The following GPALPP1 variants were observed in gnomAD, a reference collection of about 807,000 sequenced individuals.
The protein encoded by GPALPP1 is GPALPP motifs containing 1.
GPALPP1 carries 30 observed loss-of-function variants against 38.9 expected under a neutral mutation model. That is an observed-to-expected ratio of 0.77 (90% CI 0.58 to 1.05). The LOEUF (loss-of-function observed/expected upper bound fraction) is 1.05, where lower values mean the gene tolerates loss of function less well. Among genes scored for constraint, GPALPP1 ranks in the 50% least tolerant of loss-of-function variants. The probability of loss-of-function intolerance (pLI) is 0.00; values close to 1 mark genes in which losing one functional copy is unlikely to be tolerated. For synonymous variants in GPALPP1, 120 were observed against 139.2 expected, an observed-to-expected ratio of 0.86 and a Z score of 0.97; for missense variants, 384 against 408.8, an observed-to-expected ratio of 0.94 and a Z score of 0.52.
At chr13:45,019,085 A>T (rs1290978455) in intron 6 of GPALPP1, among the ~76,000 whole-genome samples, 1 of 138,000 alleles carries the variant, frequency 7.2e-6, no homozygotes, top group Non-Finnish European at 1.5e-5. Context: ...ACATATAAAT[A>T]TATGTATATA....
chr13:44,996,346 C>T (rs1218509728), intron 1 of GPALPP1, among the ~76,000 whole-genome samples: 2 of 150,220 alleles, frequency 1.3e-5, no homozygotes, highest in African/African-American at 4.9e-5. Flanking sequence ...TAAAACAAGA[C>T]CTTGTCGCAA....
intron 1 of GPALPP1, among the ~76,000 whole-genome samples, chr13:44,990,993 G>A (rs970860659): frequency 6.6e-6 from 1 of 152,154 alleles, no homozygotes; most frequent in African/African-American, 2.4e-5. Context: ...TGGAGGCTGA[G>A]GCAGGAGAAT....
chr13:44,997,645 TTTTTA>T (rs1215346658), intron 1 of GPALPP1, among the ~76,000 whole-genome samples: 9 of 152,310 alleles, frequency 5.9e-5, no homozygotes, highest in African/African-American at 2.2e-4. Context: ...TTTCATTTGC[TTTTTA>T]TTTTTGTTTT....
intron 1 of GPALPP1, among the ~76,000 whole-genome samples, chr13:45,003,451 A>T (rs1220924441): frequency 6.6e-6 from 1 of 152,336 alleles, no homozygotes; most frequent in South Asian, 2.1e-4. Flanking sequence ...CTCCAGGCCA[A>T]CTGGGTTAGA....
downstream of GPALPP1, chr13:45,031,518 GT>G (rs1876196125): frequency 6.6e-6 from 1 of 152,072 alleles, no homozygotes; most frequent in South Asian, 2.1e-4. Context: ...TATATTTACT[GT>G]TTCATCCCTC....
At chr13:45,037,126 T>C (rs1315071009) in exon 8 of GPALPP1, 2 of 152,236 alleles carry the variant, frequency 1.3e-5, no homozygotes, top group African/African-American at 4.8e-5. Flanking sequence ...CTTACCGCTG[T>C]CCTGCCCTTT....
intron 1 of GPALPP1, among the ~76,000 whole-genome samples, chr13:44,997,695 C>A (rs1873392053): frequency 6.6e-6 from 1 of 152,160 alleles, no homozygotes; most frequent in Non-Finnish European, 1.5e-5. Flanking sequence ...CTAAGTACTT[C>A]TATCCCTAAG....
intron 1 of GPALPP1, among the ~76,000 whole-genome samples, chr13:44,995,517 A>G (rs1873206656): frequency 6.6e-6 from 1 of 152,148 alleles, no homozygotes; most frequent in Non-Finnish European, 1.5e-5. Flanking sequence ...AAATCTTTCA[A>G]TGTTCTAGCC....
At chr13:45,006,911 A>G (rs1382557495) in intron 3 of GPALPP1, among the ~76,000 whole-genome samples, 1 of 151,962 alleles carries the variant, frequency 6.6e-6, no homozygotes, top group Non-Finnish European at 1.5e-5. Context: ...CAGAATTGTA[A>G]AATTTTTAAA....
At chr13:45,027,661 C>A in intron 7 of GPALPP1, 124 bp from the exon 8 acceptor site, 1 of 513,494 alleles carries the variant, frequency 1.9e-6, no homozygotes, top group Non-Finnish European at 3.5e-6. Flanking sequence ...AAAAAAACTA[C>A]TGGGGTTTGT....
intron 3 of GPALPP1, among the ~76,000 whole-genome samples, chr13:45,007,921 G>C (rs901113497): frequency 6.6e-6 from 1 of 152,022 alleles, no homozygotes; most frequent in Non-Finnish European, 1.5e-5. Context: ...CATAAAGTAA[G>C]GCTGTCTCCT....
intron 7 of GPALPP1, 96 bp downstream of exon 7, chr13:45,020,524 C>T (rs750650055): frequency 5.3e-5 from 36 of 672,930 alleles, no homozygotes; most frequent in Non-Finnish European, 7.8e-5. Context: ...TCACTTGAGA[C>T]GAAGAGTTCA....
chr13:45,011,438 G>T (rs1874469501), intron 4 of GPALPP1, among the ~76,000 whole-genome samples: 1 of 152,274 alleles, frequency 6.6e-6, no homozygotes, highest in Admixed American at 6.5e-5. Context: ...TCACAGTTTA[G>T]CATGGCTGGG....
chr13:45,015,548 T>C lies in GPALPP1; in HGVS notation c.657T>C (p.Asp219=). The C allele has an allele frequency of 6.3e-7, 1 of 1,599,092 alleles. No homozygotes were observed. The highest frequency in any genetic ancestry group is 8.5e-7 in the Non-Finnish European group (1 of 1,173,074). The change falls in exon 6 of 8, where the codon GAT becomes GAC. Residue 219 remains aspartate (D), a synonymous_variant. Coordinates refer to ENST00000379151, the MANE Select transcript of GPALPP1 (RefSeq NM_018559.5). ...FKRRADDTSG[D]RSIWTDTPAD... The stretch of plus-strand genomic sequence containing the variant: ...GAAGAGCTGATGACACATCTGGAGA[T>C]CGATCAATCTGGACAGATACTCCAG...
intron 1 of GPALPP1, among the ~76,000 whole-genome samples, chr13:44,997,545 A>G (rs1379286431): frequency 3.3e-5 from 5 of 151,974 alleles, no homozygotes; most frequent in Admixed American, 6.6e-5. Context: ...TAGTGAGTCT[A>G]CCCTACTCCA....
chr13:45,022,911 C>CACCAGCTTGGG (rs1875527758), intron 7 of GPALPP1, among the ~76,000 whole-genome samples: 1 of 152,096 alleles, frequency 6.6e-6, no homozygotes, highest in Admixed American at 6.5e-5. Flanking sequence ...TCTGGTGGCA[C>CACCAGCTTGGG]ACACTCAAGG....
At chr13:44,990,367 C>G (rs1593376925) in intron 1 of GPALPP1, 1 of 162,550 alleles carries the variant, frequency 6.2e-6, no homozygotes, top group South Asian at 2.0e-4. Context: ...ACAAACTTCT[C>G]CCCATCCTTC....
chr13:44,991,802 C>G (rs965748910), intron 1 of GPALPP1, among the ~76,000 whole-genome samples: 2 of 152,192 alleles, frequency 1.3e-5, no homozygotes, highest in Admixed American at 6.6e-5. Flanking sequence ...ATCACAGATT[C>G]GTTTTGCATG....
At chr13:45,006,352 TA>T in intron 3 of GPALPP1, 49 bp downstream of exon 3, 1 of 873,086 alleles carries the variant, frequency 1.1e-6, no homozygotes, top group Non-Finnish European at 1.8e-6. Context: ...ATATTTTAAC[TA>T]ATGAATCTTT....
Sources: allele counts gnomAD v4.1 joint callset (sites outside exome capture counted in the v4.1 genomes callset), GRCh38; gene constraint gnomAD v4.1.1; transcripts MANE v1.5; gene names NCBI Gene and HGNC (gene_info 2026-07-23, HGNC 2026-07-21).